Variants in OPHN1 observed in about 807,000 individuals in gnomAD.
OPHN1 encodes oligophrenin 1, also known as oligophrenin-1.
In OPHN1, 11 loss-of-function variants were observed where a neutral mutation model predicts 60.7. The ratio of observed to expected loss-of-function variants is 0.18; its 90% CI spans 0.11 to 0.30. OPHN1 has a LOEUF of 0.30. OPHN1 is among the 10% of genes least tolerant of loss of function. The pLI is 1.00. For missense variants in OPHN1, 449 were observed against 611.0 expected, an observed-to-expected ratio of 0.73 and a Z score of 2.80; for synonymous variants, 226 against 222.6, an observed-to-expected ratio of 1.02 and a Z score of -0.14.
intron 2 of OPHN1, among the ~76,000 whole-genome samples, chrX:68,343,296 A>G (rs1378865603): frequency 2.8e-4 from 25 of 88,616 alleles, no homozygotes; most frequent in African/African-American, 4.3e-4. Context: ...GCGGGGGGGG[A>G]GGGGCGCTGG....
At chrX:68,100,721 CT>C (rs201190964) in intron 18 of OPHN1, among the ~76,000 whole-genome samples, 9 of 110,264 alleles carry the variant, frequency 8.2e-5, no homozygotes, top group Non-Finnish European at 1.3e-4. Context: ...AGGATGGTGC[CT>C]TTTTTTTATT....
intron 6 of OPHN1, among the ~76,000 whole-genome samples, chrX:68,227,326 C>T (rs1417771490): frequency 1.8e-5 from 2 of 110,885 alleles, no homozygotes; most frequent in African/African-American, 6.6e-5. Flanking sequence ...TGACACCCCA[C>T]TGTCAACATT....
intron 2 of OPHN1, among the ~76,000 whole-genome samples, chrX:68,342,251 G>A (rs543454216): frequency 9.0e-6 from 1 of 111,634 alleles, no homozygotes; most frequent in African/African-American, 3.2e-5. Context: ...GATTACAGGT[G>A]TGTGCTACCA....
At chrX:68,228,876 A>G (rs1302988995) in intron 6 of OPHN1, among the ~76,000 whole-genome samples, 2 of 109,791 alleles carry the variant, frequency 1.8e-5, no homozygotes, top group African/African-American at 3.3e-5. Context: ...CTCTCTCACC[A>G]CTCCTATTCA....
At position 68,170,699 on chromosome X, in the gene OPHN1, G is replaced by A. The variant is rs774557685; in HGVS notation, c.1276+22220C>T. On this transcript the variant is annotated intron_variant, in intron 15 of 24. Transcript: ENST00000355520. Reference sequence around the variant, plus strand: ...CGCAAGAACAAAAAAACCAAACACCGCATATTCTCACTCATAGGTGGGAAC... The same window carrying A: ...CGCAAGAACAAAAAAACCAAACACCACATATTCTCACTCATAGGTGGGAAC... 3.0e-4 allele frequency among the ~76,000 whole-genome samples: 30 copies of A among 101,085 alleles called. No individual in the cohort carries two copies. In the South Asian group the frequency reaches 5.3e-3, roughly 18 times the overall value. 87.8% of individuals were successfully genotyped at this position (101,085 alleles called of 115,157 possible).
chrX:68,183,879 T>C (rs1303328349), intron 15 of OPHN1, among the ~76,000 whole-genome samples: 1 of 112,198 alleles, frequency 8.9e-6, no homozygotes, highest in Non-Finnish European at 1.9e-5. Context: ...GAAAAATTGT[T>C]TTTTACTCTA....
intron 23 of OPHN1, among the ~76,000 whole-genome samples, chrX:68,049,333 T>C (rs928413154): frequency 8.9e-6 from 1 of 112,030 alleles, no homozygotes; most frequent in Non-Finnish European, 1.9e-5. Context: ...TGTCCAAAAT[T>C]GAGCTCAGCA....
rs2077516358 is a variant in OPHN1 at position 68,197,216 on chromosome X, T to C, written c.1074A>G (p.Leu358=). The C allele has an allele frequency of 2.5e-6, 3 of 1,207,943 alleles. No homozygotes were observed. Among genetic ancestry groups the C allele is most frequent in the Non-Finnish European group, 3.4e-6 (3 of 894,111 alleles). ...LQALSEANRR[L]WMEAMDGKEP... ...CTTTCCCATCCATGGCTTCCATCCATAGCCTTCTGTTAGCTTCTGAAAGGG... is the reference window on the plus strand; with the variant it reads ...CTTTCCCATCCATGGCTTCCATCCACAGCCTTCTGTTAGCTTCTGAAAGGG... Residue 358 remains leucine, a synonymous_variant, in exon 12 of 25, where the codon CTA becomes CTG. Coordinates refer to ENST00000355520, the MANE Select transcript of OPHN1 (RefSeq NM_002547.3).
chrX:68,401,627 G>C lies in OPHN1; in HGVS notation c.154+31240C>G, dbSNP rs190179287. Reference sequence around the variant, plus strand: ...AATACCAAGCATTATACAAACATCAGGAGATGTAGATTGTCCCAAGAGAGT... The same window carrying C: ...AATACCAAGCATTATACAAACATCACGAGATGTAGATTGTCCCAAGAGAGT... On this transcript the variant is annotated intron_variant, in intron 2 of 24. Transcript: ENST00000355520. Among the ~76,000 whole-genome samples, 162 of 112,088 alleles carry C rather than the reference G, an allele frequency of 1.4e-3. 1 individual carries two copies. The highest frequency in any genetic ancestry group is 4.9e-3 in the African/African-American group (151 of 30,904).
intron 20 of OPHN1, among the ~76,000 whole-genome samples, chrX:68,068,342 G>A (rs747677285): frequency 4.4e-4 from 48 of 108,997 alleles, no homozygotes; most frequent in South Asian, 1.7e-3. Flanking sequence ...GTGGTGGTAT[G>A]CACCTGTAAT....
chrX:68,119,524 A>G (rs1470400297), intron 15 of OPHN1, among the ~76,000 whole-genome samples, 192 bp from the exon 16 acceptor site: 1 of 112,109 alleles, frequency 8.9e-6, no homozygotes, highest in Non-Finnish European at 1.9e-5. Context: ...ATAAGAAAGT[A>G]ATCTATCCAA....
intron 10 of OPHN1, among the ~76,000 whole-genome samples, chrX:68,203,282 T>C (rs1223276772): frequency 9.0e-6 from 1 of 111,046 alleles, no homozygotes; most frequent in Non-Finnish European, 1.9e-5. Context: ...TAAATCATAT[T>C]CCATCTCTAA....
intron 5 of OPHN1, among the ~76,000 whole-genome samples, chrX:68,239,400 C>A (rs2077769482): frequency 9.0e-6 from 1 of 110,656 alleles, no homozygotes; most frequent in Non-Finnish European, 1.9e-5. Context: ...GGGGGCATGG[C>A]GGGCCAGGGT....
chrX:68,314,228 T>C (rs182853541), intron 2 of OPHN1, among the ~76,000 whole-genome samples: 1 of 111,558 alleles, frequency 9.0e-6, no homozygotes, highest in African/African-American at 3.2e-5. Context: ...GTAATCAAAA[T>C]CCTCCCAACC....
chrX:68,214,302 C>A (rs972178412), intron 6 of OPHN1, among the ~76,000 whole-genome samples: 3 of 112,211 alleles, frequency 2.7e-5, no homozygotes, highest in Non-Finnish European at 5.6e-5. Context: ...TCAAACACTA[C>A]AGAGACATGA....
At position 68,052,610 on chromosome X, in the gene OPHN1, A is replaced by T; in HGVS notation, c.2325-20T>A. ...GCCACCCTGCAAACAGAAGCCAACC[A>T]AGTCCCATAAGTTGCTTTGGTATAC... On this transcript the variant is annotated intron_variant, in intron 22 of 24. Coordinates refer to ENST00000355520, the MANE Select transcript of OPHN1 (RefSeq NM_002547.3). The T allele has an allele frequency of 8.4e-7, 1 of 1,197,315 alleles. No homozygotes were observed. The highest frequency in any genetic ancestry group is 1.8e-5 in the South Asian group (1 of 55,241).
chrX:68,352,198 G>A (rs1289992488), intron 2 of OPHN1, among the ~76,000 whole-genome samples: 5 of 109,317 alleles, frequency 4.6e-5, no homozygotes, highest in Non-Finnish European at 7.6e-5. Context: ...ATCCAACTCC[G>A]CACCCAGAAG....
intron 2 of OPHN1, among the ~76,000 whole-genome samples, chrX:68,343,904 T>A (rs184566021): frequency 2.1e-4 from 23 of 111,632 alleles, no homozygotes; most frequent in African/African-American, 7.1e-4. Context: ...CAACTACTGA[T>A]CTCTCTCACT....
intron 5 of OPHN1, among the ~76,000 whole-genome samples, chrX:68,267,630 A>G (rs2077938488): frequency 8.9e-6 from 1 of 112,307 alleles, no homozygotes; most frequent in Admixed American, 9.5e-5. Flanking sequence ...TAGAGAAGCA[A>G]GAGCAAACAC....
Sources: allele counts gnomAD v4.1 joint callset (sites outside exome capture counted in the v4.1 genomes callset), GRCh38; gene constraint gnomAD v4.1.1; transcripts MANE v1.5; gene names NCBI Gene and HGNC (gene_info 2026-07-23, HGNC 2026-07-21).